Variants in MYO9A observed in about 807,000 individuals in gnomAD.
MYO9A encodes myosin IXA, also known as unconventional myosin-IXa.
In MYO9A, 103 loss-of-function variants were observed where a neutral mutation model predicts 293.3. The ratio of observed to expected loss-of-function variants is 0.35; its 90% confidence interval spans 0.30 to 0.41. The LOEUF is 0.41. MYO9A is among the 10% of genes least tolerant of loss of function. MYO9A has a pLI of 1.00. For synonymous variants in MYO9A, 1,001 were observed against 1,035.7 expected (o/e 0.97, Z 0.64); for missense variants, 2,685 against 3,033.0 (o/e 0.89, Z 2.69).
At chr15:71,880,213 G>T in intron 29 of MYO9A, 122 bp downstream of exon 29, 1 of 856,904 alleles carries the variant, frequency 1.2e-6, no homozygotes, top group South Asian at 1.7e-5. Flanking sequence ...TTCTGGTAAA[G>T]AACAGATCAT....
rs776042246 is a variant in MYO9A, at chr15:71,893,662, A to G, written c.5142+17T>C. The G allele has an allele frequency of 9.4e-6, 15 of 1,596,806 alleles. No individual in the cohort carries two copies. The highest frequency in any genetic ancestry group is 1.2e-5 in the Non-Finnish European group (14 of 1,165,136). ...TCTTTTGTATAGAAGATAGATAAAC[A>G]AAAACTCAAAACTTACCTCTCTTTG... is the stretch of plus-strand genomic sequence containing the variant. On this transcript the variant is annotated intron_variant, in intron 26 of 41. Coordinates refer to ENST00000356056, the MANE Select transcript of MYO9A (RefSeq NM_006901.4).
In MYO9A at chr15:71,824,433, G is replaced by A. The variant is rs1003838346; in HGVS notation, c.*2147C>T. 1 of 152,112 alleles carries A rather than the reference G, an allele frequency of 6.6e-6. No individual in the cohort carries two copies. Among genetic ancestry groups the A allele is most frequent in the Non-Finnish European group, 1.5e-5 (1 of 68,032 alleles). 9.4% of individuals were successfully genotyped at this position (152,112 alleles called of 1,614,324 possible). ...GGCCACAGGAAATTATTCCATAAGGGCAATCTCTTTTTTTCATACAGGATT... is the reference window on the plus strand; with the variant it reads ...GGCCACAGGAAATTATTCCATAAGGACAATCTCTTTTTTTCATACAGGATT... On this transcript the variant is annotated 3_prime_UTR_variant, in exon 42 of 42. Coordinates refer to ENST00000356056, the MANE Select transcript of MYO9A (RefSeq NM_006901.4).
At chr15:72,076,283 C>T (rs1434085993) in intron 1 of MYO9A, among the ~76,000 whole-genome samples, 2 of 143,372 alleles carry the variant, frequency 1.4e-5, no homozygotes, top group African/African-American at 5.2e-5. Flanking sequence ...CCAGCCTGGG[C>T]GACAGAGTGA....
intron 14 of MYO9A, 70 bp downstream of exon 14, chr15:71,959,831 G>A: frequency 7.5e-7 from 1 of 1,326,556 alleles, no homozygotes; most frequent in South Asian, 1.4e-5. Flanking sequence ...ACTCCTTTTT[G>A]TGGAGAAGTA....
chr15:71,941,669 C>T (rs1486830115), intron 15 of MYO9A, among the ~76,000 whole-genome samples: 1 of 151,936 alleles, frequency 6.6e-6, no homozygotes, highest in East Asian at 1.9e-4. Context: ...CCAAAAGGTA[C>T]AGCAAATCCC....
intron 2 of MYO9A, chr15:72,045,350 GC>G (rs2078353563): frequency 6.3e-6 from 1 of 158,004 alleles, no homozygotes; most frequent in African/African-American, 2.4e-5. Context: ...CACAACCTCT[GC>G]CTCCCAGGTT....
chr15:72,040,339 G>C (rs2078189863), intron 2 of MYO9A: 1 of 152,440 alleles, frequency 6.6e-6, no homozygotes, highest in East Asian at 1.9e-4. Context: ...AAAGGTTCCA[G>C]GAGAATCTCC....
chr15:71,987,354 C>T (rs1273864110), intron 11 of MYO9A, among the ~76,000 whole-genome samples: 1 of 152,200 alleles, frequency 6.6e-6, no homozygotes, highest in Non-Finnish European at 1.5e-5. Context: ...AAGTCCTCTG[C>T]TAAATATACT....
intron 1 of MYO9A, among the ~76,000 whole-genome samples, chr15:72,057,194 G>C (rs999128770): frequency 6.6e-6 from 1 of 152,024 alleles, no homozygotes. Flanking sequence ...GCTTGAACCC[G>C]GGAGGCGGAG....
At chr15:71,907,212 C>A (rs1233354308) in intron 19 of MYO9A, among the ~76,000 whole-genome samples, 1 of 150,652 alleles carries the variant, frequency 6.6e-6, no homozygotes, top group Non-Finnish European at 1.5e-5. Flanking sequence ...TTTGTTTTTG[C>A]GATAGTTTAC....
chr15:71,823,375 T>G lies in MYO9A; in HGVS notation c.*3205A>C, dbSNP rs2140329621. The stretch of plus-strand genomic sequence containing the variant: ...AAACACAGAATGGAGTCTTCATTAA[T>G]CTTCCAGCAGGGTAAGTGCTCTGGC... On this transcript the variant is annotated 3_prime_UTR_variant, in exon 42 of 42. Transcript: ENST00000356056. The G allele has an allele frequency of 6.6e-6, 1 of 152,336 alleles. No individual in the cohort carries two copies. Among genetic ancestry groups the G allele is most frequent in the Non-Finnish European group, 1.5e-5 (1 of 68,038 alleles). 9.4% of individuals were successfully genotyped at this position (152,336 alleles called of 1,614,324 possible). A position where few individuals can be genotyped will look rare whatever the true frequency, so the allele number is the denominator to read the frequency against.
At chr15:71,983,509 C>G (rs2076333537) in intron 11 of MYO9A, among the ~76,000 whole-genome samples, 1 of 119,722 alleles carries the variant, frequency 8.4e-6, no homozygotes, top group Non-Finnish European at 1.6e-5. Flanking sequence ...TGGAGTCTCG[C>G]TCTGTCACCC....
intron 35 of MYO9A, among the ~76,000 whole-genome samples, chr15:71,853,362 C>T (rs550923998): frequency 6.6e-6 from 1 of 152,146 alleles, no homozygotes; most frequent in African/African-American, 2.4e-5. Context: ...CACCTTCACC[C>T]GTTTCACTTA....
chr15:72,008,489 GGTGT>G (rs111259580), intron 7 of MYO9A, among the ~76,000 whole-genome samples: 28 of 139,878 alleles, frequency 2.0e-4, no homozygotes, highest in East Asian at 4.5e-4. Flanking sequence ...GGGGTAAATG[GGTGT>G]GTGTGTGTGT....
intron 15 of MYO9A, among the ~76,000 whole-genome samples, chr15:71,942,238 A>G (rs2058797290): frequency 6.6e-6 from 1 of 152,042 alleles, no homozygotes. Context: ...CTTGCGTAAA[A>G]TTTTTAGAAA....
chr15:71,989,382 C>T (rs144059395), intron 11 of MYO9A, among the ~76,000 whole-genome samples: 2 of 152,232 alleles, frequency 1.3e-5, no homozygotes, highest in Non-Finnish European at 2.9e-5. Flanking sequence ...TACAGTTGGC[C>T]CTCCATATCC....
At chr15:72,081,269 G>A (rs997382140) in intron 1 of MYO9A, among the ~76,000 whole-genome samples, 4 of 152,210 alleles carry the variant, frequency 2.6e-5, no homozygotes, top group South Asian at 4.2e-4. Context: ...TGACTGGTGC[G>A]AGGTGGCATC....
intron 26 of MYO9A, chr15:71,892,253 T>G (rs2057198860): frequency 6.6e-6 from 1 of 152,258 alleles, no homozygotes; most frequent in African/African-American, 2.4e-5. Context: ...AATGTTATAT[T>G]GTGTGATTAA....
chr15:72,118,177 A>T (rs998448525), upstream of MYO9A: 2 of 364,918 alleles, frequency 5.5e-6, no homozygotes, highest in African/African-American at 2.1e-5. Flanking sequence ...CCCTACTGCC[A>T]GCACGGGTCG....
Sources: gnomAD v4.1 joint callset for allele counts (sites outside exome capture counted in the v4.1 genomes callset) on GRCh38, gnomAD v4.1.1 for gene constraint, MANE v1.5 for transcripts, NCBI Gene and HGNC (gene_info 2026-07-23, HGNC 2026-07-21) for gene names.